GALNT13: variants seen among roughly 807,000 people sequenced by gnomAD.
GALNT13 encodes UDP-GalNAc:polypeptide N-acetylgalactosaminyltransferase 13.
A neutral mutation model predicts 64.2 loss-of-function variants in GALNT13; 28 were observed. The observed-to-expected ratio is 0.44, with a 90% confidence interval of 0.32 to 0.60. The LOEUF (loss-of-function observed/expected upper bound fraction) is 0.60. GALNT13 is among the 20% of genes least tolerant of loss of function. The pLI is 0.05. For missense variants in GALNT13, 577 were observed against 669.8 expected (o/e 0.86, Z 1.53); for synonymous variants, 214 against 224.6 (o/e 0.95, Z 0.42).
intron 3 of GALNT13, among the ~76,000 whole-genome samples, chr2:154,002,801 T>C (rs1695997104): frequency 6.6e-6 from 1 of 152,168 alleles, no homozygotes; most frequent in South Asian, 2.1e-4. Context: ...TTTTACCAAT[T>C]GTTACCAGAG....
At chr2:153,755,697 G>A in the GALNT13 span, among the ~76,000 whole-genome samples, 1 of 151,984 alleles carries the variant, frequency 6.6e-6, no homozygotes, top group Non-Finnish European at 1.5e-5. Flanking sequence ...TCTGTAGTTT[G>A]TCTCTTCACT....
chr2:153,186,810 C>A, the GALNT13 span, among the ~76,000 whole-genome samples: 1 of 152,180 alleles, frequency 6.6e-6, no homozygotes, highest in African/African-American at 2.4e-5. Flanking sequence ...AGGTGATCTG[C>A]CCGCCTCAGC....
At chr2:153,615,648 C>T in the GALNT13 span, among the ~76,000 whole-genome samples, 3 of 152,016 alleles carry the variant, frequency 2.0e-5, no homozygotes, top group Non-Finnish European at 4.4e-5. Flanking sequence ...AACACTTTTT[C>T]ATATGCCTGT....
Position 154,301,522 on chromosome 2 carries a change from G to A in GALNT13, c.1089G>A (p.Lys363=), listed in dbSNP as rs1208975389. The change falls in exon 9 of 13, where the codon AAG becomes AAA. Residue 363 remains lysine (K), a synonymous_variant. Transcript: ENST00000392825. ...FPGGTGHVIN[K]NNRRLAEVWM... ...GTGGCACTGGTCATGTCATCAACAA[G>A]AACAACAGGAGACTGGCAGAAGTTT... The A allele has an allele frequency of 6.2e-7, 1 of 1,613,360 alleles. No homozygotes were observed. The highest frequency in any genetic ancestry group is 1.3e-5 in the African/African-American group (1 of 74,896).
At chr2:154,078,331 A>G (rs1036228758) in intron 3 of GALNT13, among the ~76,000 whole-genome samples, 6 of 151,544 alleles carry the variant, frequency 4.0e-5, no homozygotes, top group African/African-American at 1.5e-4. Flanking sequence ...AATTTATGCC[A>G]TAGGAAAAAG....
intron 9 of GALNT13, among the ~76,000 whole-genome samples, chr2:154,369,604 C>G (rs1380563517): frequency 6.6e-6 from 1 of 152,054 alleles, no homozygotes; most frequent in Non-Finnish European, 1.5e-5. Flanking sequence ...TTTAGTCCAT[C>G]CATAAGGACA....
At chr2:154,456,312 G>T (rs1471803068), downstream of GALNT13, among the ~76,000 whole-genome samples, 1 of 151,868 alleles carries the variant, frequency 6.6e-6, no homozygotes, top group East Asian at 1.9e-4. Context: ...AGTAGATTGT[G>T]CATAATGACA....
chr2:153,167,604 A>G, the GALNT13 span, among the ~76,000 whole-genome samples: 2 of 152,084 alleles, frequency 1.3e-5, no homozygotes, highest in Admixed American at 6.5e-5. Context: ...TCCTTTGGTG[A>G]TTGCTTCACA....
the GALNT13 span, among the ~76,000 whole-genome samples, chr2:153,657,153 G>A: frequency 0.023 from 3,495 of 152,184 alleles, 54 homozygotes; most frequent in Non-Finnish European, 0.032. Flanking sequence ...TGTGAAATCC[G>A]TTCTGTCTGG....
At chr2:154,247,074 GA>G (rs1215459990) in intron 7 of GALNT13, among the ~76,000 whole-genome samples, 1 of 152,004 alleles carries the variant, frequency 6.6e-6, no homozygotes, top group Non-Finnish European at 1.5e-5. Context: ...TAGGCTAATG[GA>G]AGAGAATGGC....
At chr2:153,757,390 A>G in the GALNT13 span, among the ~76,000 whole-genome samples, 70 of 152,282 alleles carry the variant, frequency 4.6e-4, 2 homozygotes, top group East Asian at 0.012. Flanking sequence ...TTCTGTGTAT[A>G]TACTACGTTT....
intron 3 of GALNT13, among the ~76,000 whole-genome samples, chr2:154,138,008 G>T (rs928124515): frequency 6.6e-6 from 1 of 151,612 alleles, no homozygotes; most frequent in African/African-American, 2.4e-5. Context: ...AGCAAAAATT[G>T]TTCTCGTCAC....
At chr2:153,427,725 A>G in the GALNT13 span, among the ~76,000 whole-genome samples, 2 of 152,190 alleles carry the variant, frequency 1.3e-5, no homozygotes, top group African/African-American at 4.8e-5. Context: ...ACACCAGCAC[A>G]TTCATATGGT....
chr2:154,147,279 T>C (rs1209510849), intron 4 of GALNT13, among the ~76,000 whole-genome samples: 4 of 151,672 alleles, frequency 2.6e-5, no homozygotes, highest in Non-Finnish European at 5.9e-5. Context: ...AACTAAAATA[T>C]ACGGTTTTAC....
At chr2:154,295,984 C>A (rs1027616070) in intron 8 of GALNT13, among the ~76,000 whole-genome samples, 4 of 152,182 alleles carry the variant, frequency 2.6e-5, no homozygotes, top group African/African-American at 9.7e-5. Context: ...TGCTCAGCTT[C>A]AGCCTTTATT....
At chr2:154,197,941 C>T (rs934381963) in intron 4 of GALNT13, among the ~76,000 whole-genome samples, 1 of 128,220 alleles carries the variant, frequency 7.8e-6, no homozygotes, top group Non-Finnish European at 1.7e-5. Context: ...CACAGAAATG[C>T]AACTAAAAAC....
the GALNT13 span, among the ~76,000 whole-genome samples, chr2:153,115,657 G>A: frequency 6.6e-6 from 1 of 152,154 alleles, no homozygotes; most frequent in African/African-American, 2.4e-5. Context: ...TTTCTGCTGT[G>A]TTTTTACTAC....
chr2:154,030,785 G>T (rs1270810641), intron 3 of GALNT13, among the ~76,000 whole-genome samples: 1 of 152,054 alleles, frequency 6.6e-6, no homozygotes, highest in East Asian at 1.9e-4. Context: ...TCTGTGGAAA[G>T]ATGTACCTTG....
At chr2:153,895,874 A>G (rs1687852568) in intron 1 of GALNT13, among the ~76,000 whole-genome samples, 1 of 151,672 alleles carries the variant, frequency 6.6e-6, no homozygotes, top group Non-Finnish European at 1.5e-5. Flanking sequence ...TATTCAGAAA[A>G]TAAGTAAATG....
Sources: gnomAD v4.1 joint callset for allele counts (sites outside exome capture counted in the v4.1 genomes callset) on GRCh38, gnomAD v4.1.1 for gene constraint, MANE v1.5 for transcripts, NCBI Gene and HGNC (gene_info 2026-07-23, HGNC 2026-07-21) for gene names.